LYRM4: variants seen among roughly 807,000 people sequenced by gnomAD.
LYRM4 encodes LYR motif containing 4, also known as LYR motif-containing protein 4.
Under a neutral mutation model 11.7 loss-of-function variants are expected in LYRM4, and 9 were observed. The observed-to-expected ratio is 0.77, with a 90% CI of 0.46 to 1.34. The LOEUF is 1.34. LYRM4 is among the 40% of genes most tolerant of loss of function. The pLI, the probability that LYRM4 is intolerant of heterozygous loss-of-function variation, is 0.00. For synonymous variants in LYRM4, 42 were observed against 40.4 expected (o/e 1.04, Z -0.15); for missense variants, 133 against 112.5 (o/e 1.18, Z -0.82).
rs115424888 is a variant in LYRM4 at position 5,227,372 on chromosome 6, T to C, written c.87-10634A>G. 6.0e-3 allele frequency among the ~76,000 whole-genome samples: 918 copies of C among 151,848 alleles called. 11 individuals carry two copies. Among genetic ancestry groups the C allele is most frequent in the South Asian group, 0.044 (210 of 4,790 alleles). ...ATGAAAGGAGAGGGAGCAAGAAGGG[T>C]CAACGTAGAGGCAGGAAAGCCAGGA... On this transcript the variant is annotated intron_variant, in intron 1 of 2. Coordinates refer to ENST00000330636, the MANE Select transcript of LYRM4 (RefSeq NM_020408.6).
At chr6:5,257,064 T>C (rs553151235) in intron 1 of LYRM4, among the ~76,000 whole-genome samples, 1 of 152,334 alleles carries the variant, frequency 6.6e-6, no homozygotes, top group East Asian at 1.9e-4. Flanking sequence ...TCAACTCCCA[T>C]TTGATGTCCT....
chr6:5,186,636 A>AT (rs1485761972), intron 2 of LYRM4: 44 of 983,746 alleles, frequency 4.5e-5, no homozygotes, highest in Admixed American at 3.7e-4. Flanking sequence ...TGGAGTGGGA[A>AT]TTCAGCATGA....
At chr6:5,225,765 G>A (rs1332041710) in intron 1 of LYRM4, among the ~76,000 whole-genome samples, 1 of 152,096 alleles carries the variant, frequency 6.6e-6, no homozygotes, top group Non-Finnish European at 1.5e-5. Flanking sequence ...ATTTTACTGG[G>A]CAAAATATTA....
chr6:5,244,821 G>C (rs1267156062), intron 1 of LYRM4, among the ~76,000 whole-genome samples: 1 of 151,824 alleles, frequency 6.6e-6, no homozygotes, highest in East Asian at 1.9e-4. Flanking sequence ...TGTGGTACAA[G>C]ACATGTCAGG....
At chr6:5,125,684 C>T (rs1415706589) in intron 2 of LYRM4, among the ~76,000 whole-genome samples, 1 of 152,212 alleles carries the variant, frequency 6.6e-6, no homozygotes, top group African/African-American at 2.4e-5. Flanking sequence ...AGGGACAAGA[C>T]GTTCTAATGT....
intron 2 of LYRM4, among the ~76,000 whole-genome samples, chr6:5,159,514 C>A (rs1758624173): frequency 6.6e-6 from 1 of 152,192 alleles, no homozygotes; most frequent in African/African-American, 2.4e-5. Flanking sequence ...CCACTGGTGA[C>A]CCTGCTGAGA....
chr6:5,156,402 G>A (rs1245188819), intron 2 of LYRM4, among the ~76,000 whole-genome samples: 1 of 152,240 alleles, frequency 6.6e-6, no homozygotes, highest in African/African-American at 2.4e-5. Context: ...ATGTGTGCAA[G>A]AGTGTGCCTG....
the LYRM4 span, among the ~76,000 whole-genome samples, chr6:5,048,515 C>T: frequency 1.3e-5 from 2 of 152,116 alleles, no homozygotes; most frequent in South Asian, 4.1e-4. Flanking sequence ...GGGTTGGTTG[C>T]CCAGGCTGGT....
intron 2 of LYRM4, among the ~76,000 whole-genome samples, chr6:5,130,335 C>T (rs549938060): frequency 6.6e-6 from 1 of 152,290 alleles, no homozygotes; most frequent in African/African-American, 2.4e-5. Context: ...CCCAAGTGAG[C>T]TTTATCTGCC....
intron 2 of LYRM4, among the ~76,000 whole-genome samples, chr6:5,125,496 T>C (rs1167798875): frequency 6.6e-6 from 1 of 152,190 alleles, no homozygotes. Flanking sequence ...TCAGCCACTC[T>C]GCTGGACGAA....
intron 2 of LYRM4, among the ~76,000 whole-genome samples, chr6:5,191,161 G>A (rs1204515064): frequency 1.3e-5 from 2 of 152,148 alleles, no homozygotes; most frequent in Non-Finnish European, 2.9e-5. Context: ...CAAATGATAA[G>A]CTATACAATG....
chr6:5,130,916 G>A (rs1349674808), intron 2 of LYRM4, among the ~76,000 whole-genome samples: 11 of 151,998 alleles, frequency 7.2e-5, no homozygotes, highest in Non-Finnish European at 1.2e-4. Context: ...TTAAAAATAA[G>A]GAAAAGAGAG....
the LYRM4 span, among the ~76,000 whole-genome samples, chr6:5,074,787 G>A: frequency 6.6e-6 from 1 of 152,040 alleles, no homozygotes; most frequent in Admixed American, 6.6e-5. Flanking sequence ...CGTTGATGGT[G>A]GTGATGGTGA....
In LYRM4 at chr6:5,109,384, G is replaced by GTGGTCCCTGGCCGCCACTGGTGGC; in HGVS notation, c.*15_*38dup. Reference sequence around the variant, plus strand: ...CTCAAACAGAGAGTGGATGCTGAAGGTGGTCCCTGGCCGCCACTGGTGGCT... The same window carrying GTGGTCCCTGGCCGCCACTGGTGGC: ...CTCAAACAGAGAGTGGATGCTGAAGGTGGTCCCTGGCCGCCACTGGTGGCTGGTCCCTGGCCGCCACTGGTGGCT... On this transcript the variant is annotated 3_prime_UTR_variant, in exon 3 of 3. Transcript: ENST00000330636. 1.2e-6 allele frequency: 2 copies of GTGGTCCCTGGCCGCCACTGGTGGC among 1,613,304 alleles called. No homozygotes were observed. The highest frequency in any genetic ancestry group is 2.2e-5 in the East Asian group (1 of 44,846).
At chr6:5,240,539 A>G (rs767752913) in intron 1 of LYRM4, 1 of 152,220 alleles carries the variant, frequency 6.6e-6, no homozygotes, top group Admixed American at 6.5e-5. Context: ...GTTTTAAAAG[A>G]AGAGCACACC....
the LYRM4 span, among the ~76,000 whole-genome samples, chr6:5,074,670 ACAT>A: frequency 6.6e-6 from 1 of 151,628 alleles, no homozygotes; most frequent in Non-Finnish European, 1.5e-5. Flanking sequence ...CATGTGCACA[ACAT>A]GCAGGTTTGT....
intron 2 of LYRM4, among the ~76,000 whole-genome samples, chr6:5,210,812 G>A (rs1188817340): frequency 6.6e-6 from 1 of 152,086 alleles, no homozygotes; most frequent in African/African-American, 2.4e-5. Context: ...AAGTCCTCAA[G>A]GTTCATCCAT....
intron 1 of LYRM4, among the ~76,000 whole-genome samples, chr6:5,256,813 G>C (rs1009536889): frequency 6.6e-6 from 1 of 152,084 alleles, no homozygotes; most frequent in African/African-American, 2.4e-5. Flanking sequence ...AGCTAGTTCT[G>C]TATTACCTGA....
the LYRM4 span, among the ~76,000 whole-genome samples, chr6:5,045,388 C>T: frequency 2.0e-5 from 3 of 152,166 alleles, no homozygotes; most frequent in African/African-American, 7.2e-5. Context: ...TCTATGATTC[C>T]ATTTTATAGG....
Sources: allele counts gnomAD v4.1 joint callset (sites outside exome capture counted in the v4.1 genomes callset), GRCh38; gene constraint gnomAD v4.1.1; transcripts MANE v1.5; gene names NCBI Gene and HGNC (gene_info 2026-07-23, HGNC 2026-07-21).